The following MEIG1 variants were observed in gnomAD, a reference collection of about 807,000 sequenced individuals.
The protein encoded by MEIG1 is meiosis expressed gene 1 protein homolog.
Under a neutral mutation model 11.3 loss-of-function variants are expected in MEIG1, and 12 were observed. The observed-to-expected ratio is 1.07, with a 90% CI of 0.68 to 1.73. The LOEUF (loss-of-function observed/expected upper bound fraction) is 1.73. Among genes scored for constraint, MEIG1 ranks in the 40% most tolerant of loss-of-function variants. MEIG1 has a pLI of 0.00. For missense variants in MEIG1, 119 were observed against 104.9 expected (o/e 1.13, Z -0.59); for synonymous variants, 41 against 33.2 (o/e 1.24, Z -0.81).
chr10:14,983,637 C>T (rs948616748), intron 1 of MEIG1, among the ~76,000 whole-genome samples: 2 of 152,108 alleles, frequency 1.3e-5, no homozygotes, highest in South Asian at 2.1e-4. Flanking sequence ...TGTACTATTG[C>T]TGCTATTATC....
At chr10:14,954,348 GA>G in the MEIG1 span, 1 of 418,266 alleles carries the variant, frequency 2.4e-6, no homozygotes, top group Non-Finnish European at 4.5e-6. Flanking sequence ...CGCGGGAAGG[GA>G]AATCGAAACT....
chr10:14,969,380 C>T (rs541859812), intron 2 of MEIG1, among the ~76,000 whole-genome samples: 265 of 148,890 alleles, frequency 1.8e-3, no homozygotes, highest in African/African-American at 6.2e-3. Flanking sequence ...TGCAGGAGAT[C>T]GAGGCTGCAG....
chr10:14,962,003 C>T (rs1475112121), intron 1 of MEIG1, among the ~76,000 whole-genome samples: 1 of 152,136 alleles, frequency 6.6e-6, no homozygotes, highest in African/African-American at 2.4e-5. Flanking sequence ...TAGGGTCTCA[C>T]TACGTTGCCC....
chr10:14,978,502 C>G (rs1779295151), intron 1 of MEIG1, among the ~76,000 whole-genome samples: 2 of 151,918 alleles, frequency 1.3e-5, no homozygotes, highest in African/African-American at 4.8e-5. Flanking sequence ...GGGGTGCACA[C>G]CCTGTGATAT....
downstream of MEIG1, among the ~76,000 whole-genome samples, chr10:14,977,583 C>T (rs1589214102): frequency 6.6e-6 from 1 of 151,774 alleles, no homozygotes; most frequent in Non-Finnish European, 1.5e-5. Context: ...AGTGGGTGTA[C>T]ACACATGGGG....
intron 2 of MEIG1, among the ~76,000 whole-genome samples, chr10:14,967,110 T>C (rs7087438): frequency 0.8 from 122,038 of 151,962 alleles, 49,547 homozygotes; most frequent in African/African-American, 0.92. Context: ...GGTGGTCGTT[T>C]AGCTGGGCAC....
Position 14,964,296 on chromosome 10 carries a change from T to G in MEIG1, c.-29-2144T>G, listed in dbSNP as rs557098298. On this transcript the variant is annotated intron_variant, in intron 1 of 2. Transcript: ENST00000407572. The stretch of plus-strand genomic sequence containing the variant: ...CCAACCACTAAGGGAACATTTAGGC[T>G]ACATCTTTCATATTGAAGAAATATT... 7.9e-5 allele frequency among the ~76,000 whole-genome samples: 12 copies of G among 152,158 alleles called. No homozygotes were observed. The East Asian group carries it at 2.3e-3, about 29-fold the overall frequency.
At chr10:14,963,745 C>G (rs1843043187) in intron 1 of MEIG1, among the ~76,000 whole-genome samples, 1 of 152,188 alleles carries the variant, frequency 6.6e-6, no homozygotes, top group Admixed American at 6.5e-5. Flanking sequence ...TACACGATCA[C>G]TTGAGGCCAG....
chr10:14,968,070 GTTTATT>G (rs1413671160), intron 2 of MEIG1, among the ~76,000 whole-genome samples: 1 of 152,132 alleles, frequency 6.6e-6, no homozygotes, highest in African/African-American at 2.4e-5. Flanking sequence ...TAACTCAGTT[GTTTATT>G]TTTATTTTTT....
At chr10:14,978,008 G>C (rs1027139340) in intron 1 of MEIG1, among the ~76,000 whole-genome samples, 3 of 151,836 alleles carry the variant, frequency 2.0e-5, no homozygotes, top group Non-Finnish European at 4.4e-5. Flanking sequence ...TGTACACCCT[G>C]TTCTATTATT....
Position 14,966,457 on chromosome 10 carries a change from G to A in MEIG1, c.-12G>A, listed in dbSNP as rs201977218. ...TCTTTCAGATATTATTGATAATAAGGCCTCTGTAACCATGGCTAGTTCTGA... is the reference window on the plus strand; with the variant it reads ...TCTTTCAGATATTATTGATAATAAGACCTCTGTAACCATGGCTAGTTCTGA... On this transcript the variant is annotated 5_prime_UTR_variant, in exon 2 of 3. Transcript: ENST00000407572. 148 of 1,587,264 alleles carry A rather than the reference G, an allele frequency of 9.3e-5. 1 individual carries two copies. In the South Asian group the frequency reaches 1.4e-3, roughly 15 times the overall value.
downstream of MEIG1, among the ~76,000 whole-genome samples, chr10:14,975,502 G>A (rs1196862340): frequency 6.6e-6 from 1 of 151,770 alleles, no homozygotes; most frequent in Non-Finnish European, 1.5e-5. Flanking sequence ...GTACAAACCC[G>A]TGTACTATTG....
intron 1 of MEIG1, among the ~76,000 whole-genome samples, chr10:14,965,506 AT>A (rs1365541338): frequency 1.3e-5 from 2 of 152,154 alleles, no homozygotes; most frequent in African/African-American, 4.8e-5. Context: ...GTGTTAGGCC[AT>A]TTTCTCACAT....
rs981048658 is a variant in MEIG1 at position 14,959,439 on chromosome 10, C to T, written c.-148C>T. On this transcript the variant is annotated 5_prime_UTR_variant, in exon 1 of 3. Transcript: ENST00000407572. The stretch of plus-strand genomic sequence containing the variant: ...GCACAACACTTGGCCTCTCGCTGGC[C>T]CTGCTCGCGGATCCCGAGTAGAGAA... The T allele has an allele frequency of 1.3e-5, 2 of 152,402 alleles. No individual in the cohort carries two copies. Among genetic ancestry groups the T allele is most frequent in the East Asian group, 1.9e-4 (1 of 5,198 alleles). 9.4% of individuals were successfully genotyped at this position (152,402 alleles called of 1,614,324 possible). A position where few individuals can be genotyped will look rare whatever the true frequency, so the allele number is the denominator to read the frequency against.
At chr10:14,977,671 G>T (rs1020821952), downstream of MEIG1, among the ~76,000 whole-genome samples, 1 of 151,624 alleles carries the variant, frequency 6.6e-6, no homozygotes, top group Non-Finnish European at 1.5e-5. Flanking sequence ...CCCCATGTGG[G>T]TATACCCTGT....
At chr10:14,983,562 T>C (rs1843286181) in intron 1 of MEIG1, among the ~76,000 whole-genome samples, 1 of 152,002 alleles carries the variant, frequency 6.6e-6, no homozygotes. Flanking sequence ...TGTGCTATTG[T>C]TCTTAATATT....
In MEIG1 at chr10:14,982,989, T is replaced by A. The variant is rs1487655033; in HGVS notation, n.67-3807T>A. The stretch of plus-strand genomic sequence containing the variant: ...CTTTTTATGAGCAATTATTTCTTAA[T>A]ATTAATATTAATATTGGTAATAGAT... On this transcript the variant is annotated intron_variant and non_coding_transcript_variant, in intron 1 of 2. Transcript: ENST00000467536. Among the ~76,000 whole-genome samples, 8 of 152,184 alleles carry A rather than the reference T, an allele frequency of 5.3e-5. No individual in the cohort carries two copies. The East Asian group carries it at 1.5e-3, about 29-fold the overall frequency.
upstream of MEIG1, among the ~76,000 whole-genome samples, chr10:14,955,773 T>C (rs1842933316): frequency 6.6e-6 from 1 of 152,172 alleles, no homozygotes; most frequent in South Asian, 2.1e-4. Context: ...CTCAGAGTTC[T>C]ATTCAAATAC....
chr10:14,960,545 A>G (rs1365773268), intron 1 of MEIG1, among the ~76,000 whole-genome samples: 3 of 151,960 alleles, frequency 2.0e-5, no homozygotes, highest in East Asian at 2.0e-4. Flanking sequence ...CAGCCTCCCG[A>G]GTAGCTGGGA....
Sources: gnomAD v4.1 joint callset for allele counts (sites outside exome capture counted in the v4.1 genomes callset) on GRCh38, gnomAD v4.1.1 for gene constraint, MANE v1.5 for transcripts, NCBI Gene and HGNC (gene_info 2026-07-23, HGNC 2026-07-21) for gene names.